The following KDM4C variants were observed in gnomAD, a reference collection of about 807,000 sequenced individuals.
KDM4C encodes the protein lysine-specific demethylase 4C.
KDM4C carries 81 observed loss-of-function variants against 129.3 expected under a neutral mutation model. The observed-to-expected ratio is 0.63, with a 90% CI of 0.52 to 0.75. The LOEUF (loss-of-function observed/expected upper bound fraction) is 0.75. Ranked by LOEUF, KDM4C falls within the 30% of genes least tolerant of loss-of-function variation. The pLI is 0.00. For missense variants in KDM4C, 1,457 were observed against 1,304.0 expected (o/e 1.12, Z -1.81); for synonymous variants, 573 against 456.1 (o/e 1.26, Z -3.26).
At chr9:6,964,712 G>A (rs1589354108) in intron 8 of KDM4C, among the ~76,000 whole-genome samples, 3 of 150,828 alleles carry the variant, frequency 2.0e-5, no homozygotes, top group South Asian at 4.2e-4. Flanking sequence ...AACCCGGGAG[G>A]TGGAGCTTGC....
intron 8 of KDM4C, among the ~76,000 whole-genome samples, chr9:6,927,897 A>G (rs534916530): frequency 1.2e-4 from 18 of 152,250 alleles, no homozygotes; most frequent in African/African-American, 3.4e-4. Context: ...TCATTGACCT[A>G]TACATTTCCC....
chr9:6,736,813 G>T (rs531559538), intron 1 of KDM4C, among the ~76,000 whole-genome samples: 1 of 152,084 alleles, frequency 6.6e-6, no homozygotes, highest in African/African-American at 2.4e-5. Context: ...AACTTTTGGA[G>T]GCCTAGTCTG....
chr9:7,142,448 C>T (rs1467783505), intron 19 of KDM4C, among the ~76,000 whole-genome samples: 1 of 152,192 alleles, frequency 6.6e-6, no homozygotes, highest in Admixed American at 6.5e-5. Flanking sequence ...TTTGCCTCCC[C>T]TCCCCTGGGC....
intron 17 of KDM4C, among the ~76,000 whole-genome samples, chr9:7,100,160 G>A (rs1836906097): frequency 6.6e-6 from 1 of 152,128 alleles, no homozygotes; most frequent in Non-Finnish European, 1.5e-5. Flanking sequence ...ACTTTGGAAG[G>A]CCAAAGCAGG....
At chr9:6,795,766 G>A (rs1827620508) in intron 2 of KDM4C, among the ~76,000 whole-genome samples, 1 of 151,688 alleles carries the variant, frequency 6.6e-6, no homozygotes, top group South Asian at 2.1e-4. Flanking sequence ...GGACCTTCCA[G>A]GTTCAAGCGA....
chr9:7,126,239 G>T (rs1840015806), intron 18 of KDM4C, among the ~76,000 whole-genome samples: 1 of 152,112 alleles, frequency 6.6e-6, no homozygotes, highest in Admixed American at 6.6e-5. Context: ...TAAAGATGGA[G>T]TCTACAATTC....
chr9:7,012,936 A>T (rs1358834762), intron 13 of KDM4C, among the ~76,000 whole-genome samples: 2 of 152,214 alleles, frequency 1.3e-5, no homozygotes. Context: ...AAAATGTGTG[A>T]TATCTCACAT....
At chr9:7,088,066 G>T (rs746690229) in intron 17 of KDM4C, among the ~76,000 whole-genome samples, 1 of 152,308 alleles carries the variant, frequency 6.6e-6, no homozygotes, top group East Asian at 1.9e-4. Flanking sequence ...CTGGTGGCGG[G>T]GCAGAGATGG....
intron 3 of KDM4C, among the ~76,000 whole-genome samples, chr9:6,809,991 A>G (rs904234496): frequency 7.2e-5 from 11 of 152,088 alleles, no homozygotes; most frequent in Non-Finnish European, 1.6e-4. Flanking sequence ...CCCTGTCTTG[A>G]AAAAAATAAA....
At chr9:6,996,642 AT>A (rs1819802754) in intron 12 of KDM4C, among the ~76,000 whole-genome samples, 1 of 152,180 alleles carries the variant, frequency 6.6e-6, no homozygotes, top group Non-Finnish European at 1.5e-5. Flanking sequence ...TGAGCATGGC[AT>A]TTGCTGACAC....
chr9:7,095,517 C>CT (rs59318739), intron 17 of KDM4C, among the ~76,000 whole-genome samples: 1,790 of 145,990 alleles, frequency 0.012, 27 homozygotes, highest in African/African-American at 0.039. Context: ...AAACAAAGAT[C>CT]TTTTTTTTTT....
rs748770983 is a variant in KDM4C at position 7,128,095 on chromosome 9, C to T, written c.2640C>T (p.Ser880=). 85 of 1,594,750 alleles carry T rather than the reference C, an allele frequency of 5.3e-5. No individual in the cohort carries two copies. Among genetic ancestry groups the T allele is most frequent in the Admixed American group, 2.1e-4 (12 of 56,850 alleles). Residue 880 remains serine, a synonymous_variant, in exon 19 of 22, where the codon TCC becomes TCT. Transcript: ENST00000381309. ...CCAAGGCTTGCGAGAAGGTCATTTCCGTGGGTCAAACGGTCATCACGAAGC... is the reference window on the plus strand; with the variant it reads ...CCAAGGCTTGCGAGAAGGTCATTTCTGTGGGTCAAACGGTCATCACGAAGC... The part of the protein sequence containing the change: ...VKSKACEKVI[S]VGQTVITKHR...
rs568813361 is a variant in KDM4C at position 6,973,173 on chromosome 9, G to A, written c.922-7752G>A. 2.0e-5 allele frequency among the ~76,000 whole-genome samples: 3 copies of A among 152,156 alleles called. No homozygotes were observed. The South Asian group carries it at 6.2e-4, about 31-fold the overall frequency. Reference sequence around the variant, plus strand: ...AACTTTTATTTCAAAAACATGAGTTGTTTTCATTTTCTTATTTAGTGTTAA... The same window carrying A: ...AACTTTTATTTCAAAAACATGAGTTATTTTCATTTTCTTATTTAGTGTTAA... On this transcript the variant is annotated intron_variant, in intron 8 of 21. Transcript: ENST00000381309.
intron 8 of KDM4C, chr9:6,925,498 C>T (rs1375201912): frequency 6.2e-6 from 5 of 812,086 alleles, no homozygotes; most frequent in Non-Finnish European, 7.3e-6. Flanking sequence ...TTCTCACCAT[C>T]TTGCTCATGC....
chr9:7,076,540 C>A, intron 17 of KDM4C: 1 of 1,535,750 alleles, frequency 6.5e-7, no homozygotes, highest in South Asian at 1.2e-5. Flanking sequence ...CCCTCCGCCA[C>A]TGTTTCAGAT....
At chr9:6,956,430 C>T (rs145715661) in intron 8 of KDM4C, among the ~76,000 whole-genome samples, 28 of 152,174 alleles carry the variant, frequency 1.8e-4, no homozygotes, top group Admixed American at 1.0e-3. Flanking sequence ...AATGTGGGTG[C>T]GGACGAAGGC....
intron 4 of KDM4C, among the ~76,000 whole-genome samples, chr9:6,829,239 C>T (rs1185989751): frequency 1.3e-5 from 2 of 152,182 alleles, no homozygotes; most frequent in East Asian, 1.9e-4. Flanking sequence ...TGGCAAAGTC[C>T]ACAAGACTGT....
chr9:6,806,930 G>A (rs1419538916), intron 3 of KDM4C, among the ~76,000 whole-genome samples: 1 of 137,798 alleles, frequency 7.3e-6, no homozygotes, highest in South Asian at 2.2e-4. Flanking sequence ...GTCTCCCCAC[G>A]GTCTCCCTCT....
At chr9:7,015,285 CAG>C (rs1823456202) in intron 14 of KDM4C, among the ~76,000 whole-genome samples, 1 of 152,004 alleles carries the variant, frequency 6.6e-6, no homozygotes, top group South Asian at 2.1e-4. Flanking sequence ...CTCAAGAAGT[CAG>C]AGTGACATGT....
Sources: allele counts gnomAD v4.1 joint callset (sites outside exome capture counted in the v4.1 genomes callset), GRCh38; gene constraint gnomAD v4.1.1; transcripts MANE v1.5; gene names NCBI Gene and HGNC (gene_info 2026-07-23, HGNC 2026-07-21).